Variants in DOCK11 observed in about 807,000 individuals in gnomAD.
The protein encoded by DOCK11 is dedicator of cytokinesis 11.
In DOCK11, 70 loss-of-function variants were observed where a neutral mutation model predicts 169.1. The ratio of observed to expected loss-of-function variants is 0.41; its 90% CI spans 0.34 to 0.51. The LOEUF (loss-of-function observed/expected upper bound fraction) is 0.51. DOCK11 is among the 20% of genes least tolerant of loss of function. The pLI is 0.10. For missense variants in DOCK11, 1,166 were observed against 1,538.8 expected (o/e 0.76, Z 4.05); for synonymous variants, 529 against 541.3 (o/e 0.98, Z 0.32).
chrX:118,619,752 G>A (rs182818139), intron 31 of DOCK11, among the ~76,000 whole-genome samples: 2 of 108,894 alleles, frequency 1.8e-5, no homozygotes, highest in African/African-American at 6.7e-5. Flanking sequence ...TTTTACATAC[G>A]TTACACTGTT....
intron 39 of DOCK11, among the ~76,000 whole-genome samples, chrX:118,642,923 AT>A (rs201546284): frequency 0.026 from 2,896 of 112,068 alleles, 37 homozygotes; most frequent in Non-Finnish European, 0.041. Context: ...CATTTAAACA[AT>A]TTACATAGTC....
At chrX:118,613,473 C>T (rs756056370) in intron 28 of DOCK11, among the ~76,000 whole-genome samples, 7 of 111,762 alleles carry the variant, frequency 6.3e-5, no homozygotes, top group East Asian at 2.8e-4. Context: ...CTAGGTGAGA[C>T]GACAGGAAAA....
intron 6 of DOCK11, among the ~76,000 whole-genome samples, chrX:118,551,759 A>G (rs1422271067): frequency 9.0e-6 from 1 of 111,654 alleles, no homozygotes; most frequent in African/African-American, 3.3e-5. Context: ...CTTTAAACTG[A>G]TCTTAGAAAT....
chrX:118,588,033 A>G, intron 16 of DOCK11, 104 bp from the exon 17 acceptor site: 1 of 768,126 alleles, frequency 1.3e-6, no homozygotes. Context: ...TGTTTTTTAA[A>G]TCGCTCTTTG....
chrX:118,582,128 G>A (rs977477916), intron 14 of DOCK11, among the ~76,000 whole-genome samples: 27 of 110,853 alleles, frequency 2.4e-4, no homozygotes, highest in Non-Finnish European at 4.0e-4. Context: ...ACTCTGTCTC[G>A]GGGAAAAAAA....
intron 20 of DOCK11, among the ~76,000 whole-genome samples, chrX:118,595,751 G>A (rs1370003496): frequency 8.9e-6 from 1 of 112,003 alleles, no homozygotes; most frequent in East Asian, 2.8e-4. Context: ...GCCAGATGGT[G>A]TGCTTGACAT....
In DOCK11 at chrX:118,505,775, C is replaced by T. The variant is rs760647270; in HGVS notation, c.102+9702C>T. Among the ~76,000 whole-genome samples the T allele has an allele frequency of 3.0e-3, 339 of 112,628 alleles. 2 individuals are homozygous for T. The highest frequency in any genetic ancestry group is 4.0e-3 in the Non-Finnish European group (214 of 53,268). On this transcript the variant is annotated intron_variant, in intron 1 of 52. Transcript: ENST00000276202. ...AGGCTGGTCCTCAAGTGGGGAGAAG[C>T]ACTCTGTCCTGTGCCTTGGGCCGGA... is the stretch of plus-strand genomic sequence containing the variant.
intron 40 of DOCK11, 65 bp from the exon 41 acceptor site, chrX:118,648,880 C>T (rs2015879031): frequency 9.7e-7 from 1 of 1,030,667 alleles, no homozygotes; most frequent in Non-Finnish European, 1.3e-6. Flanking sequence ...ATAGAGGGCA[C>T]TTGATATTCT....
intron 48 of DOCK11, among the ~76,000 whole-genome samples, chrX:118,678,384 A>G (rs2016659264): frequency 8.9e-6 from 1 of 112,513 alleles, no homozygotes; most frequent in Non-Finnish European, 1.9e-5. Context: ...CATATAATGG[A>G]TATAACCACC....
At position 118,634,632 on chromosome X, in the gene DOCK11, G is replaced by A. The variant is rs906758511; in HGVS notation, c.3887-1714G>A. Among the ~76,000 whole-genome samples the A allele has an allele frequency of 3.5e-5, 4 of 112,903 alleles. No homozygotes were observed. The South Asian group carries it at 1.1e-3, about 31-fold the overall frequency. On this transcript the variant is annotated intron_variant, in intron 35 of 52. Coordinates refer to ENST00000276202, the MANE Select transcript of DOCK11 (RefSeq NM_144658.4). Reference sequence around the variant, plus strand: ...TGCCCTTTGACCGGAGGCCGGAAACGCAGGGACTTCTGGGGGGGAACCCAA... The same window carrying A: ...TGCCCTTTGACCGGAGGCCGGAAACACAGGGACTTCTGGGGGGGAACCCAA...
At chrX:118,502,165 T>A (rs1030632974) in intron 1 of DOCK11, among the ~76,000 whole-genome samples, 4 of 111,637 alleles carry the variant, frequency 3.6e-5, no homozygotes, top group African/African-American at 1.3e-4. Flanking sequence ...GCTTGTCCAC[T>A]CAAGGCAGGA....
intron 39 of DOCK11, among the ~76,000 whole-genome samples, chrX:118,641,624 C>G (rs2015535554): frequency 9.0e-6 from 1 of 111,659 alleles, no homozygotes; most frequent in African/African-American, 3.3e-5. Context: ...ATGATTGGAT[C>G]TGTTTGCCCA....
At position 118,574,585 on chromosome X, in the gene DOCK11, TACAG is replaced by T. The variant is rs752678505; in HGVS notation, c.1389+571_1389+574del. On this transcript the variant is annotated intron_variant, in intron 12 of 52. Coordinates refer to ENST00000276202, the MANE Select transcript of DOCK11 (RefSeq NM_144658.4). ...GACTCCGTCTCACAAAGAAAGCTGA[TACAG>T]ACACCCATAAACACACCTGCACCCA... 5.0e-4 allele frequency among the ~76,000 whole-genome samples: 56 copies of T among 111,638 alleles called. 1 individual carries two copies. The highest frequency in any genetic ancestry group is 1.8e-3 in the African/African-American group (55 of 30,773).
intron 1 of DOCK11, among the ~76,000 whole-genome samples, chrX:118,537,224 TGGG>T (rs1195392182): frequency 9.0e-6 from 1 of 111,397 alleles, no homozygotes; most frequent in Non-Finnish European, 1.9e-5. Context: ...GTTTGGAGGA[TGGG>T]GTGGTGGTAG....
At chrX:118,544,281 G>A (rs1162022651) in intron 4 of DOCK11, among the ~76,000 whole-genome samples, 1 of 111,584 alleles carries the variant, frequency 9.0e-6, no homozygotes, top group Non-Finnish European at 1.9e-5. Context: ...TGAAGGAATG[G>A]CATGAGCACA....
chrX:118,573,034 T>G (rs1017215031), intron 11 of DOCK11, among the ~76,000 whole-genome samples: 1 of 112,619 alleles, frequency 8.9e-6, no homozygotes, highest in Non-Finnish European at 1.9e-5. Flanking sequence ...TTCATTTTGG[T>G]CTACAGAGAA....
chrX:118,610,161 A>G (rs1052249959), intron 27 of DOCK11, 111 bp from the exon 28 acceptor site: 7 of 757,815 alleles, frequency 9.2e-6, no homozygotes, highest in African/African-American at 8.4e-5. Context: ...GAGAACAATT[A>G]TACATCAGTT....
chrX:118,617,491 CA>C (rs35955845), intron 30 of DOCK11, among the ~76,000 whole-genome samples: 42 of 94,825 alleles, frequency 4.4e-4, no homozygotes, highest in African/African-American at 4.7e-4. Flanking sequence ...GACTCTGTCT[CA>C]AAAAAAAAAA....
Position 118,666,860 on chromosome X carries a change from A to G in DOCK11, c.5076+4068A>G, listed in dbSNP as rs542035064. On this transcript the variant is annotated intron_variant, in intron 45 of 52. Coordinates refer to ENST00000276202, the MANE Select transcript of DOCK11 (RefSeq NM_144658.4). Reference sequence around the variant, plus strand: ...TAGATGAGAGTTCTAGTTGCCCCACATCCTCCCTAGCATCTGATATTGCTG... The same window carrying G: ...TAGATGAGAGTTCTAGTTGCCCCACGTCCTCCCTAGCATCTGATATTGCTG... 3.6e-5 allele frequency among the ~76,000 whole-genome samples: 4 copies of G among 111,670 alleles called. No homozygotes were observed. The South Asian group carries it at 1.5e-3, about 42-fold the overall frequency.
Sources: gnomAD v4.1 joint callset for allele counts (sites outside exome capture counted in the v4.1 genomes callset) on GRCh38, gnomAD v4.1.1 for gene constraint, MANE v1.5 for transcripts, NCBI Gene and HGNC (gene_info 2026-07-23, HGNC 2026-07-21) for gene names.